The following SLC30A7 variants were observed in gnomAD, a reference collection of about 807,000 sequenced individuals.
The protein encoded by SLC30A7 is solute carrier family 30 member 7, also known as zinc transporter 7.
A neutral mutation model predicts 46.0 loss-of-function variants in SLC30A7; 35 were observed. The ratio of observed to expected loss-of-function variants is 0.76; its 90% CI spans 0.58 to 1.01. SLC30A7 has a LOEUF of 1.01. Among genes scored for constraint, SLC30A7 ranks in the 50% least tolerant of loss-of-function variants. The pLI is 0.00. For missense variants in SLC30A7, 464 were observed against 451.1 expected (o/e 1.03, Z -0.26); for synonymous variants, 147 against 157.8 (o/e 0.93, Z 0.51).
At chr1:100,990,366 A>T in the SLC30A7 span, 3 of 1,580,096 alleles carry the variant, frequency 1.9e-6, no homozygotes, top group Non-Finnish European at 2.6e-6. Flanking sequence ...ATCAATCCAT[A>T]TATGGCTGAA....
Position 100,976,007 on chromosome 1 carries a change from A to G in SLC30A7, c.*1150A>G, listed in dbSNP as rs1056625402. 6.6e-6 allele frequency: 1 copy of G among 152,510 alleles called. No individual in the cohort carries two copies. Among genetic ancestry groups the G allele is most frequent in the Non-Finnish European group, 1.5e-5 (1 of 68,012 alleles). 9.4% of individuals were successfully genotyped at this position (152,510 alleles called of 1,614,324 possible). ...TCTTCACAGAAAATAAAAGGTGTTA[A>G]TTTGCTTTTTAAAACAAATTTAATT... On this transcript the variant is annotated 3_prime_UTR_variant, in exon 11 of 11. Transcript: ENST00000357650.
intron 8 of SLC30A7, among the ~76,000 whole-genome samples, chr1:100,956,405 A>T (rs1330775949): frequency 6.6e-6 from 1 of 152,188 alleles, no homozygotes; most frequent in Non-Finnish European, 1.5e-5. Flanking sequence ...GGTGGCAGGG[A>T]GTAGCAGACT....
downstream of SLC30A7, among the ~76,000 whole-genome samples, chr1:100,986,174 C>A (rs1199009297): frequency 1.3e-5 from 2 of 152,166 alleles, no homozygotes; most frequent in East Asian, 3.8e-4. Context: ...CTTTGGGAGG[C>A]CAAGGCAGGC....
Position 100,976,644 on chromosome 1 carries a change from A to T in SLC30A7, c.*1787A>T, listed in dbSNP as rs1176399654. On this transcript the variant is annotated 3_prime_UTR_variant, in exon 11 of 11. Coordinates refer to ENST00000357650, the MANE Select transcript of SLC30A7 (RefSeq NM_133496.5). ...GAAAAAACCCTGCAGGATGGAAACA[A>T]TTATTAAGAATGTAGATCAATAAGT... 6.6e-6 allele frequency: 1 copy of T among 152,516 alleles called. No individual in the cohort carries two copies. The highest frequency in any genetic ancestry group is 2.1e-4 in the South Asian group (1 of 4,828). 9.4% of individuals were successfully genotyped at this position (152,516 alleles called of 1,614,324 possible).
rs1656587704 is a variant in SLC30A7 at position 100,977,306 on chromosome 1, A to G, written c.*2449A>G. On this transcript the variant is annotated 3_prime_UTR_variant, in exon 11 of 11. Coordinates refer to ENST00000357650, the MANE Select transcript of SLC30A7 (RefSeq NM_133496.5). ...CATGAGTATGTTTATACAGTGTTAG[A>G]CTGATGTGAATTTGCATTTGTTACA... is the stretch of plus-strand genomic sequence containing the variant. 1.3e-5 allele frequency: 2 copies of G among 152,178 alleles called. No individual in the cohort carries two copies. The highest frequency in any genetic ancestry group is 4.8e-5 in the African/African-American group (2 of 41,438). 9.4% of individuals were successfully genotyped at this position (152,178 alleles called of 1,614,324 possible). A position where few individuals can be genotyped will look rare whatever the true frequency, so the allele number is the denominator to read the frequency against.
At chr1:100,962,456 C>T (rs1369607905) in intron 9 of SLC30A7, among the ~76,000 whole-genome samples, 1 of 152,166 alleles carries the variant, frequency 6.6e-6, no homozygotes, top group Non-Finnish European at 1.5e-5. Context: ...CAAGAAAGAG[C>T]TAGCCATATG....
intron 10 of SLC30A7, among the ~76,000 whole-genome samples, chr1:100,967,267 G>A (rs1163412567): frequency 6.6e-6 from 1 of 152,154 alleles, no homozygotes; most frequent in Non-Finnish European, 1.5e-5. Flanking sequence ...GTTTTTCCGT[G>A]AACAGGGGTT....
intron 9 of SLC30A7, among the ~76,000 whole-genome samples, chr1:100,962,796 A>G (rs1362950841): frequency 1.3e-5 from 2 of 152,212 alleles, no homozygotes; most frequent in Admixed American, 6.5e-5. Flanking sequence ...AAGCAAAGAA[A>G]ACCAGTTATG....
intron 3 of SLC30A7, among the ~76,000 whole-genome samples, chr1:100,910,747 T>C (rs775719489): frequency 3.3e-5 from 5 of 152,136 alleles, no homozygotes; most frequent in African/African-American, 1.2e-4. Flanking sequence ...TCTGGTTCTG[T>C]TTTTCCTTCT....
In SLC30A7 at chr1:100,974,987, T is replaced by C. The variant is rs574022089; in HGVS notation, c.*130T>C. On this transcript the variant is annotated 3_prime_UTR_variant, in exon 11 of 11. Transcript: ENST00000357650. Reference sequence around the variant, plus strand: ...ACTCCCGAGCACTAAGTAGACGGGGTAGAGTCAGCCGTTCATGCTTTGTGG... The same window carrying C: ...ACTCCCGAGCACTAAGTAGACGGGGCAGAGTCAGCCGTTCATGCTTTGTGG... The C allele has an allele frequency of 1.2e-5, 7 of 600,396 alleles. No individual in the cohort carries two copies. The Middle Eastern group carries it at 1.1e-3, about 94-fold the overall frequency. 37.2% of individuals were successfully genotyped at this position (600,396 alleles called of 1,614,324 possible). A position where few individuals can be genotyped will look rare whatever the true frequency, so the allele number is the denominator to read the frequency against.
At chr1:100,902,663 T>C (rs575736041) in intron 2 of SLC30A7, among the ~76,000 whole-genome samples, 2 of 152,278 alleles carry the variant, frequency 1.3e-5, no homozygotes, top group East Asian at 3.9e-4. Context: ...TTCAGTTGGT[T>C]TTCTAGTAAT....
At chr1:100,934,706 G>C (rs1030163166) in intron 8 of SLC30A7, among the ~76,000 whole-genome samples, 2 of 150,470 alleles carry the variant, frequency 1.3e-5, no homozygotes, top group Non-Finnish European at 3.0e-5. Flanking sequence ...ATGTATGTAG[G>C]AATGCTTGTG....
At chr1:100,957,835 T>C (rs1237712427) in intron 8 of SLC30A7, among the ~76,000 whole-genome samples, 1 of 152,190 alleles carries the variant, frequency 6.6e-6, no homozygotes, top group Non-Finnish European at 1.5e-5. Flanking sequence ...GTTTAATATA[T>C]GAAAACATTC....
Position 100,896,317 on chromosome 1 carries a change from T to C in SLC30A7, c.55T>C (p.Phe19Leu), listed in dbSNP as rs1439493041. Residue 19 changes from phenylalanine (F) to leucine (L), a missense_variant, in exon 1 of 11, where the codon TTC (phenylalanine) becomes CTC (leucine). By Grantham distance (22) the Phe-to-Leu change is conservative. Coordinates refer to ENST00000357650, the MANE Select transcript of SLC30A7 (RefSeq NM_133496.5). Reference sequence around the variant, plus strand: ...ATACAAACCACCCAAGTTCAATTTGTTCGGCAAGATCTCGGGCTGGTTTAG... The same window carrying C: ...ATACAAACCACCCAAGTTCAATTTGCTCGGCAAGATCTCGGGCTGGTTTAG... ...DEYKPPKFNL[F>L]GKISGWFRSI... 47 of 1,614,088 alleles carry C rather than the reference T, an allele frequency of 2.9e-5. No homozygotes were observed. The highest frequency in any genetic ancestry group is 3.8e-5 in the Non-Finnish European group (45 of 1,180,044).
intron 9 of SLC30A7, among the ~76,000 whole-genome samples, chr1:100,962,154 A>T (rs1277146280): frequency 6.6e-6 from 1 of 152,220 alleles, no homozygotes; most frequent in Non-Finnish European, 1.5e-5. Flanking sequence ...GTTTTTAAAA[A>T]TATAGAATAT....
intron 8 of SLC30A7, among the ~76,000 whole-genome samples, chr1:100,924,069 A>G (rs1355694503): frequency 6.6e-6 from 1 of 152,198 alleles, no homozygotes; most frequent in East Asian, 1.9e-4. Context: ...AACTGTAACA[A>G]TCTCCAGGTT....
chr1:100,995,392 GAAGAC>G, the SLC30A7 span: 12 of 384,358 alleles, frequency 3.1e-5, no homozygotes, highest in Middle Eastern at 7.5e-4. Context: ...TTTTGGAAAA[GAAGAC>G]AAGGGAAAGA....
At chr1:100,910,736 G>C (rs939846930) in intron 3 of SLC30A7, among the ~76,000 whole-genome samples, 6 of 151,986 alleles carry the variant, frequency 3.9e-5, no homozygotes, top group Admixed American at 2.6e-4. Context: ...TTGTCCACTT[G>C]TCTGGTTCTG....
In SLC30A7 at chr1:100,898,307, A is replaced by G. The variant is rs114665520; in HGVS notation, c.182+1636A>G. Among the ~76,000 whole-genome samples, 1,222 of 152,306 alleles carry G rather than the reference A, an allele frequency of 8.0e-3. 13 individuals are homozygous for G. Among genetic ancestry groups the G allele is most frequent in the African/African-American group, 0.028 (1,159 of 41,582 alleles). On this transcript the variant is annotated intron_variant, in intron 2 of 10. Coordinates refer to ENST00000357650, the MANE Select transcript of SLC30A7 (RefSeq NM_133496.5). ...ACCTTTCATGGAAAGTTAAGTATAT[A>G]GTAACTCTTTTGATCTGTAGAGATC...
Sources: allele counts gnomAD v4.1 joint callset (sites outside exome capture counted in the v4.1 genomes callset), GRCh38; gene constraint gnomAD v4.1.1; transcripts MANE v1.5; gene names NCBI Gene and HGNC (gene_info 2026-07-23, HGNC 2026-07-21).